Variants in EYA1 observed in about 807,000 individuals in gnomAD.
EYA1 encodes protein phosphatase EYA1.
Under a neutral mutation model 82.0 loss-of-function variants are expected in EYA1, and 16 were observed. The ratio of observed to expected loss-of-function variants is 0.20; its 90% CI spans 0.13 to 0.30. EYA1 has a LOEUF of 0.30. Ranked by LOEUF, EYA1 falls within the 10% of genes least tolerant of loss-of-function variation. The probability of loss-of-function intolerance (pLI) is 1.00; values close to 1 mark genes in which losing one functional copy is unlikely to be tolerated. For missense variants in EYA1, 633 were observed against 730.7 expected (o/e 0.87, Z 1.54); for synonymous variants, 261 against 264.4 (o/e 0.99, Z 0.12).
chr8:71,449,348 G>A (rs1448286315), intron 2 of EYA1: 2 of 152,268 alleles, frequency 1.3e-5, no homozygotes, highest in Non-Finnish European at 1.5e-5. Context: ...TTGATCCACG[G>A]GCTGCAGAAT....
chr8:71,251,555 T>A lies in EYA1; in HGVS notation c.1051-6863A>T, dbSNP rs1339259639. ...TGTCATCCTAGGCTACCCATGGCTG[T>A]TTTCAGTACATCAAAGGCAAATTAT... On this transcript the variant is annotated intron_variant, in intron 11 of 17. Transcript: ENST00000340726. Among the ~76,000 whole-genome samples the A allele has an allele frequency of 2.6e-5, 4 of 152,218 alleles. No homozygotes were observed. The East Asian group carries it at 7.7e-4, about 29-fold the overall frequency.
At chr8:71,396,300 G>T (rs534319891) in intron 2 of EYA1, among the ~76,000 whole-genome samples, 2 of 152,142 alleles carry the variant, frequency 1.3e-5, no homozygotes, top group African/African-American at 4.8e-5. Context: ...CTTCAGTTCT[G>T]CTCTGATCTT....
intron 12 of EYA1, among the ~76,000 whole-genome samples, chr8:71,234,339 C>T (rs1483142545): frequency 6.6e-6 from 1 of 152,200 alleles, no homozygotes; most frequent in Non-Finnish European, 1.5e-5. Context: ...TTGTGTCTGT[C>T]TCTGTGGGAA....
intron 2 of EYA1, among the ~76,000 whole-genome samples, chr8:71,412,302 C>T (rs1403996500): frequency 7.2e-4 from 106 of 146,554 alleles, no homozygotes; most frequent in African/African-American, 2.5e-3. Flanking sequence ...GTGGGTGCAG[C>T]GCACCAGCAT....
chr8:71,251,917 C>T (rs1286340305), intron 11 of EYA1, among the ~76,000 whole-genome samples: 1 of 152,052 alleles, frequency 6.6e-6, no homozygotes, highest in East Asian at 1.9e-4. Context: ...AAAAGCAGTG[C>T]ACAGAAATAC....
chr8:71,227,918 T>C (rs765091898), intron 12 of EYA1, among the ~76,000 whole-genome samples: 7 of 152,200 alleles, frequency 4.6e-5, no homozygotes, highest in Non-Finnish European at 1.0e-4. Flanking sequence ...AGTTAACTTA[T>C]ACTGCTAGAT....
chr8:71,288,144 A>G (rs1258985229), intron 9 of EYA1, among the ~76,000 whole-genome samples: 3 of 152,216 alleles, frequency 2.0e-5, no homozygotes, highest in African/African-American at 4.8e-5. Context: ...CACAGGTGGA[A>G]AGTGGTACCC....
At chr8:71,267,201 A>G (rs1366831477) in intron 11 of EYA1, among the ~76,000 whole-genome samples, 2 of 152,154 alleles carry the variant, frequency 1.3e-5, no homozygotes. Context: ...TGTGGCTGGG[A>G]GGCCCTTTGG....
At chr8:71,465,133 C>G (rs1202483480) in intron 2 of EYA1, among the ~76,000 whole-genome samples, 1 of 152,142 alleles carries the variant, frequency 6.6e-6, no homozygotes, top group African/African-American at 2.4e-5. Context: ...TTTATTACTG[C>G]CCACTTTCTT....
At chr8:71,243,307 GA>G (rs1380184947) in intron 12 of EYA1, among the ~76,000 whole-genome samples, 1 of 152,058 alleles carries the variant, frequency 6.6e-6, no homozygotes, top group Admixed American at 6.5e-5. Flanking sequence ...CTCTCTAAGT[GA>G]AAACAATTAT....
At position 71,346,431 on chromosome 8, in the gene EYA1, A is replaced by AATATATATATATATAT. The variant is rs3066856; in HGVS notation, c.124+8335_124+8350dup. ...ACACTTTTATTTTTTTACTGCAGTG[A>AATATATATATATATAT]ATATATATATATATATATATATATC... On this transcript the variant is annotated intron_variant, in intron 3 of 17. Transcript: ENST00000340726. Among the ~76,000 whole-genome samples the AATATATATATATATAT allele has an allele frequency of 7.0e-3, 731 of 105,168 alleles. 15 individuals are homozygous for AATATATATATATATAT. Among genetic ancestry groups the AATATATATATATATAT allele is most frequent in the East Asian group, 0.023 (42 of 1,792 alleles). 69.0% of individuals were successfully genotyped at this position (105,168 alleles called of 152,430 possible). A position where few individuals can be genotyped will look rare whatever the true frequency, so the allele number is the denominator to read the frequency against.
At chr8:71,466,778 G>A (rs1808800986) in intron 2 of EYA1, among the ~76,000 whole-genome samples, 1 of 152,042 alleles carries the variant, frequency 6.6e-6, no homozygotes, top group Admixed American at 6.6e-5. Flanking sequence ...ATGTTTACAA[G>A]AAGAAACTTT....
intron 2 of EYA1, among the ~76,000 whole-genome samples, chr8:71,455,016 C>G (rs1190602402): frequency 1.3e-5 from 2 of 151,908 alleles, no homozygotes; most frequent in Non-Finnish European, 2.9e-5. Flanking sequence ...GCTAGCAAAA[C>G]TAATAAAGAA....
At chr8:71,278,212 T>C (rs1027638110) in intron 9 of EYA1, among the ~76,000 whole-genome samples, 2 of 152,216 alleles carry the variant, frequency 1.3e-5, no homozygotes, top group Admixed American at 6.5e-5. Flanking sequence ...TCTTTGTCTC[T>C]CTCTCTCTTA....
At chr8:71,297,028 A>C (rs938895367) in intron 9 of EYA1, among the ~76,000 whole-genome samples, 3 of 152,036 alleles carry the variant, frequency 2.0e-5, no homozygotes, top group Admixed American at 6.6e-5. Flanking sequence ...ATCCAGACAT[A>C]CTCGCTTTAG....
chr8:71,392,790 GTCTA>G (rs374985935), intron 2 of EYA1, among the ~76,000 whole-genome samples: 7 of 152,056 alleles, frequency 4.6e-5, no homozygotes, highest in South Asian at 2.1e-4. Flanking sequence ...GTTGTCTTAA[GTCTA>G]TCTCTTTTTT....
At chr8:71,424,859 C>A (rs1264447484) in intron 2 of EYA1, among the ~76,000 whole-genome samples, 1 of 152,050 alleles carries the variant, frequency 6.6e-6, no homozygotes, top group Non-Finnish European at 1.5e-5. Flanking sequence ...GCAGTAACAT[C>A]AGGCTCCTAG....
At chr8:71,468,676 T>A (rs560944560) in intron 2 of EYA1, among the ~76,000 whole-genome samples, 1 of 152,268 alleles carries the variant, frequency 6.6e-6, no homozygotes, top group African/African-American at 2.4e-5. Flanking sequence ...AGTGCTGTTT[T>A]CCCTGCCTAT....
At chr8:71,372,630 A>C (rs1828147843) in intron 2 of EYA1, among the ~76,000 whole-genome samples, 1 of 152,158 alleles carries the variant, frequency 6.6e-6, no homozygotes, top group African/African-American at 2.4e-5. Context: ...AGAAGGCTCC[A>C]GGAACACTTT....
Sources: allele counts gnomAD v4.1 joint callset (sites outside exome capture counted in the v4.1 genomes callset), GRCh38; gene constraint gnomAD v4.1.1; transcripts MANE v1.5; gene names NCBI Gene and HGNC (gene_info 2026-07-23, HGNC 2026-07-21).